PDE4B: variants seen among roughly 807,000 people sequenced by gnomAD.
The protein encoded by PDE4B is phosphodiesterase 4B.
A neutral mutation model predicts 82.2 loss-of-function variants in PDE4B; 20 were observed. That is an observed-to-expected ratio of 0.24 (90% confidence interval 0.17 to 0.35). PDE4B has a LOEUF of 0.35. Among genes scored for constraint, PDE4B ranks in the 10% least tolerant of loss-of-function variants. The probability of loss-of-function intolerance (pLI) is 1.00; values close to 1 mark genes in which losing one functional copy is unlikely to be tolerated. For missense variants in PDE4B, 655 were observed against 907.2 expected (o/e 0.72, Z 3.57); for synonymous variants, 320 against 318.9 (o/e 1.00, Z -0.04).
At chr1:66,215,496 A>G (rs75285761) in intron 3 of PDE4B, among the ~76,000 whole-genome samples, 127 of 152,292 alleles carry the variant, frequency 8.3e-4, no homozygotes, top group African/African-American at 2.9e-3. Flanking sequence ...TAAACATACA[A>G]TATTACAGAG....
intron 3 of PDE4B, among the ~76,000 whole-genome samples, chr1:66,172,299 G>A (rs979229794): frequency 1.3e-5 from 2 of 152,152 alleles, no homozygotes; most frequent in Non-Finnish European, 2.9e-5. Flanking sequence ...TCTTATGGCT[G>A]CATAGTATTC....
chr1:66,282,227 T>C (rs1048973649), intron 7 of PDE4B, among the ~76,000 whole-genome samples: 6 of 152,212 alleles, frequency 3.9e-5, no homozygotes, highest in Non-Finnish European at 7.4e-5. Flanking sequence ...TTTCAAGCTT[T>C]AGTTTTCCCT....
intron 13 of PDE4B, among the ~76,000 whole-genome samples, chr1:66,366,899 T>C (rs1663294646): frequency 6.6e-6 from 1 of 152,224 alleles, no homozygotes; most frequent in South Asian, 2.1e-4. Flanking sequence ...CAATGATATA[T>C]GTGTAACAGA....
intron 3 of PDE4B, among the ~76,000 whole-genome samples, chr1:65,937,396 C>A (rs1648211242): frequency 6.6e-6 from 1 of 152,208 alleles, no homozygotes; most frequent in African/African-American, 2.4e-5. Context: ...CAGTCAGTCA[C>A]AAGTTGACAG....
intron 7 of PDE4B, among the ~76,000 whole-genome samples, chr1:66,313,216 G>A (rs998603365): frequency 2.9e-4 from 44 of 152,144 alleles, no homozygotes; most frequent in African/African-American, 5.5e-4. Flanking sequence ...CTTTAAAACC[G>A]TGCCAATGCA....
intron 1 of PDE4B, among the ~76,000 whole-genome samples, chr1:65,898,201 G>A (rs1646932161): frequency 6.7e-6 from 1 of 149,872 alleles, no homozygotes; most frequent in South Asian, 2.3e-4. Context: ...TTGTTGAATT[G>A]TTTGTTTCTA....
At chr1:66,270,778 G>GA (rs1291296417) in intron 7 of PDE4B, among the ~76,000 whole-genome samples, 1 of 151,228 alleles carries the variant, frequency 6.6e-6, no homozygotes, top group Non-Finnish European at 1.5e-5. Flanking sequence ...GGAATTATAA[G>GA]AAAAAAGAAA....
intron 8 of PDE4B, among the ~76,000 whole-genome samples, chr1:66,344,610 T>G (rs1006816329): frequency 6.6e-6 from 1 of 152,154 alleles, no homozygotes; most frequent in East Asian, 1.9e-4. Flanking sequence ...TAGAAGAACT[T>G]TGTCAAAAAT....
intron 3 of PDE4B, among the ~76,000 whole-genome samples, chr1:65,921,664 G>A (rs1647253420): frequency 6.6e-6 from 1 of 152,180 alleles, no homozygotes; most frequent in African/African-American, 2.4e-5. Flanking sequence ...ATGTGTAAAC[G>A]AAGAAGTGTA....
At chr1:65,840,185 G>A (rs1419454180) in intron 1 of PDE4B, among the ~76,000 whole-genome samples, 1 of 152,124 alleles carries the variant, frequency 6.6e-6, no homozygotes, top group Non-Finnish European at 1.5e-5. Context: ...TTGTGTCTGT[G>A]TGTGTGTGTA....
intron 1 of PDE4B, among the ~76,000 whole-genome samples, chr1:65,902,006 A>C (rs1375620943): frequency 1.3e-5 from 2 of 152,044 alleles, no homozygotes; most frequent in Non-Finnish European, 2.9e-5. Context: ...TTATTTCAAG[A>C]AATTTTTTTA....
chr1:65,991,094 T>G (rs1282518482), intron 3 of PDE4B, among the ~76,000 whole-genome samples: 2 of 152,012 alleles, frequency 1.3e-5, no homozygotes, highest in Admixed American at 1.3e-4. Context: ...TTTTTTTTTT[T>G]TTTGAGACAA....
chr1:65,929,855 TAGA>T (rs747724079), intron 3 of PDE4B, among the ~76,000 whole-genome samples: 2 of 152,224 alleles, frequency 1.3e-5, no homozygotes, highest in Admixed American at 6.5e-5. Flanking sequence ...TCCATACTAT[TAGA>T]AGTAGAATCC....
chr1:66,142,527 C>T, intron 3 of PDE4B, among the ~76,000 whole-genome samples: 1 of 151,942 alleles, frequency 6.6e-6, no homozygotes, highest in Admixed American at 6.6e-5. Context: ...TGACAGAATG[C>T]AGTGTTAGAA....
At chr1:66,204,162 G>C (rs940930126) in intron 3 of PDE4B, among the ~76,000 whole-genome samples, 2 of 152,218 alleles carry the variant, frequency 1.3e-5, no homozygotes, top group Non-Finnish European at 2.9e-5. Flanking sequence ...CAGAACAGCA[G>C]ATTTTCGTGA....
chr1:66,340,541 G>A (rs1047245007), intron 8 of PDE4B, among the ~76,000 whole-genome samples: 91 of 152,054 alleles, frequency 6.0e-4, no homozygotes, highest in African/African-American at 2.2e-3. Flanking sequence ...AAAATAAAAT[G>A]TATCTTCATG....
chr1:66,200,438 G>A lies in PDE4B; in HGVS notation c.282-47022G>A, dbSNP rs181502455. Among the ~76,000 whole-genome samples the A allele has an allele frequency of 9.7e-4, 147 of 152,288 alleles. 1 individual carries two copies. Among genetic ancestry groups the A allele is most frequent in the African/African-American group, 3.4e-3 (142 of 41,550 alleles). On this transcript the variant is annotated intron_variant, in intron 3 of 16. Transcript: ENST00000341517. The stretch of plus-strand genomic sequence containing the variant: ...CTGAATCTATAAATTACCTTGGGCA[G>A]TATGGCCATTTTCACGATATTGATT...
chr1:65,899,256 A>G (rs1646945233), intron 1 of PDE4B, among the ~76,000 whole-genome samples: 1 of 152,116 alleles, frequency 6.6e-6, no homozygotes, highest in Admixed American at 6.6e-5. Flanking sequence ...GCAAATTAAA[A>G]CCACAATGTG....
chr1:66,191,647 G>A (rs7517265), intron 3 of PDE4B, among the ~76,000 whole-genome samples: 75,568 of 151,852 alleles, frequency 0.5, 19,528 homozygotes, highest in South Asian at 0.63. Flanking sequence ...GGGGAGAATC[G>A]AGAGCGTTAC....
Sources: gnomAD v4.1 joint callset for allele counts (sites outside exome capture counted in the v4.1 genomes callset) on GRCh38, gnomAD v4.1.1 for gene constraint, MANE v1.5 for transcripts, NCBI Gene and HGNC (gene_info 2026-07-23, HGNC 2026-07-21) for gene names.